Variants in FREM2 observed in about 807,000 individuals in gnomAD.
FREM2 encodes the protein FRAS1-related extracellular matrix protein 2.
Under a neutral mutation model 219.9 loss-of-function variants are expected in FREM2, and 119 were observed. That is an observed-to-expected ratio of 0.54 (90% CI 0.47 to 0.63). The LOEUF (loss-of-function observed/expected upper bound fraction) is 0.63. Ranked by LOEUF, FREM2 falls within the 30% of genes least tolerant of loss-of-function variation. The pLI, the probability that FREM2 is intolerant of heterozygous loss-of-function variation, is 0.00. For synonymous variants in FREM2, 1,562 were observed against 1,522.8 expected, an observed-to-expected ratio of 1.03 and a Z score of -0.60; for missense variants, 4,030 against 3,993.6, an observed-to-expected ratio of 1.01 and a Z score of -0.25.
chr13:38,779,234 G>A (rs1274810505), intron 4 of FREM2, among the ~76,000 whole-genome samples: 10 of 151,850 alleles, frequency 6.6e-5, no homozygotes, highest in Admixed American at 6.6e-4. Flanking sequence ...TCGGGGGGTG[G>A]AGGGAAAGGG....
chr13:38,835,910 C>T (rs915745075), intron 6 of FREM2, among the ~76,000 whole-genome samples: 10 of 152,234 alleles, frequency 6.6e-5, no homozygotes, highest in Non-Finnish European at 1.3e-4. Flanking sequence ...TTGACTTCCT[C>T]TCTTCCTATA....
At chr13:38,879,076 TA>T in intron 23 of FREM2, 99 bp downstream of exon 23, 1 of 1,092,308 alleles carries the variant, frequency 9.2e-7, no homozygotes. Flanking sequence ...ATAGCAGTAA[TA>T]GTAATATTGC....
rs1399280099 is a variant in FREM2 at position 38,872,846 on chromosome 13, G to A, written c.8088G>A (p.Leu2696=). Residue 2696 remains leucine (L), a synonymous_variant, in exon 17 of 24, where the codon TTG becomes TTA. Transcript: ENST00000280481. ...TAGGAGGCTGGCAGCATTTTGACTT[G>A]AAGTCAGAGCTTCGTCTAACTTTTG... ...VGVGGWQHFD[L]KSELRLTFVY... 1.2e-6 allele frequency: 2 copies of A among 1,613,892 alleles called. No homozygotes were observed. Among genetic ancestry groups the A allele is most frequent in the Non-Finnish European group, 1.7e-6 (2 of 1,179,912 alleles).
At chr13:38,864,221 T>C in intron 15 of FREM2, 54 bp from the exon 16 acceptor site, 1 of 1,396,906 alleles carries the variant, frequency 7.2e-7, no homozygotes. Context: ...TTTAAAGTGT[T>C]CAAAATTCTT....
intron 23 of FREM2, among the ~76,000 whole-genome samples, 179 bp from the exon 24 acceptor site, chr13:38,880,105 C>A (rs891280843): frequency 1.3e-5 from 2 of 152,160 alleles, no homozygotes. Flanking sequence ...CAGGATATAT[C>A]ACAGAGTGCT....
chr13:38,850,897 A>G (rs1352947215), intron 9 of FREM2, 47 bp from the exon 10 acceptor site: 9 of 1,601,102 alleles, frequency 5.6e-6, no homozygotes, highest in Non-Finnish European at 7.6e-6. Context: ...CTAGTTGTAG[A>G]TATATTCCTA....
chr13:38,820,815 A>G (rs1876014870), intron 6 of FREM2, among the ~76,000 whole-genome samples: 1 of 152,176 alleles, frequency 6.6e-6, no homozygotes, highest in African/African-American at 2.4e-5. Context: ...AGAGGCCAGC[A>G]TCTGTGAAAT....
intron 4 of FREM2, among the ~76,000 whole-genome samples, chr13:38,782,469 A>G (rs1874156134): frequency 6.6e-6 from 1 of 152,210 alleles, no homozygotes. Flanking sequence ...CTTATAGCTG[A>G]TAAATAGATT....
intron 6 of FREM2, among the ~76,000 whole-genome samples, chr13:38,819,818 G>A (rs933959772): frequency 2.6e-5 from 4 of 152,014 alleles, no homozygotes; most frequent in Non-Finnish European, 4.4e-5. Flanking sequence ...TCAAACAGCC[G>A]GTAAGCATTT....
chr13:38,711,914 T>C (rs959947251), intron 2 of FREM2, among the ~76,000 whole-genome samples: 1 of 122,374 alleles, frequency 8.2e-6, no homozygotes, highest in Non-Finnish European at 1.6e-5. Flanking sequence ...TGATAATTTC[T>C]TTTTTTTTTT....
chr13:38,751,511 C>G (rs1872764932), intron 2 of FREM2, among the ~76,000 whole-genome samples: 1 of 152,112 alleles, frequency 6.6e-6, no homozygotes, highest in Non-Finnish European at 1.5e-5. Context: ...GCAGTTCCTT[C>G]CTCTGGGAGG....
Position 38,858,589 on chromosome 13 carries a change from CTAAGTT to C in FREM2, c.7215+561_7215+566del, listed in dbSNP as rs147897996. 7.4e-3 allele frequency among the ~76,000 whole-genome samples: 1,127 copies of C among 152,290 alleles called. 8 individuals are homozygous for C. Among genetic ancestry groups the C allele is most frequent in the African/African-American group, 0.026 (1,068 of 41,556 alleles). On this transcript the variant is annotated intron_variant, in intron 13 of 23. Transcript: ENST00000280481. ...TTTCAAAATTTGCCTTTTCTTGACT[CTAAGTT>C]TAAGCTCCTTGTGAGCTAAAATTAT...
At chr13:38,712,605 TTCTTTCTC>T (rs537324890) in intron 2 of FREM2, among the ~76,000 whole-genome samples, 10 of 151,384 alleles carry the variant, frequency 6.6e-5, no homozygotes, top group Non-Finnish European at 1.5e-4. Context: ...CTTTCTTTCT[TTCTTTCTC>T]TCTTTCTCTC....
Position 38,864,467 on chromosome 13 carries a change from GC to G in FREM2, c.7845del (p.Leu2616CysfsTer15). ...IIGETYPYQY[S>X]LSIRGSTTLR... Reference sequence around the variant, plus strand: ...GGAGAGACATATCCTTACCAGTACAGCTTGTCCATCAGAGGTTCCACTACCT... The same window carrying G: ...GGAGAGACATATCCTTACCAGTACAGTTGTCCATCAGAGGTTCCACTACCT... On this transcript the variant is annotated frameshift_variant, in exon 16 of 24. Coordinates refer to ENST00000280481, the MANE Select transcript of FREM2 (RefSeq NM_207361.6). LOFTEE classifies it high-confidence loss of function. 6.2e-7 allele frequency: 1 copy of G among 1,614,176 alleles called. No homozygotes were observed. The highest frequency in any genetic ancestry group is 8.5e-7 in the Non-Finnish European group (1 of 1,180,030).
chr13:38,774,724 C>T (rs781679372), intron 4 of FREM2, among the ~76,000 whole-genome samples: 44 of 152,112 alleles, frequency 2.9e-4, no homozygotes, highest in Non-Finnish European at 6.0e-4. Context: ...AGATCCCATT[C>T]TTTTTTGACT....
chr13:38,766,892 C>T (rs191281295), intron 3 of FREM2, among the ~76,000 whole-genome samples: 15 of 152,280 alleles, frequency 9.9e-5, no homozygotes, highest in Admixed American at 7.8e-4. Context: ...ATTGAGTACT[C>T]ATTACATACC....
chr13:38,841,310 G>A (rs1168272719), intron 6 of FREM2, among the ~76,000 whole-genome samples: 1 of 152,146 alleles, frequency 6.6e-6, no homozygotes, highest in African/African-American at 2.4e-5. Context: ...TAAAAACAGT[G>A]CTGGGCCTGT....
chr13:38,860,866 A>G (rs1877736105), intron 14 of FREM2, among the ~76,000 whole-genome samples: 1 of 152,238 alleles, frequency 6.6e-6, no homozygotes, highest in South Asian at 2.1e-4. Context: ...TATAATACAC[A>G]TACTGTAAAA....
chr13:38,739,951 A>T (rs1872171964), intron 2 of FREM2, among the ~76,000 whole-genome samples: 1 of 152,200 alleles, frequency 6.6e-6, no homozygotes, highest in African/African-American at 2.4e-5. Context: ...CCTTCAGAGA[A>T]CAGCACTGCC....
Sources: gnomAD v4.1 joint callset for allele counts (sites outside exome capture counted in the v4.1 genomes callset) on GRCh38, gnomAD v4.1.1 for gene constraint, MANE v1.5 for transcripts, NCBI Gene and HGNC (gene_info 2026-07-23, HGNC 2026-07-21) for gene names.